NTRK2: variants seen among roughly 807,000 people sequenced by gnomAD.
NTRK2 encodes the protein BDNF/NT-3 growth factors receptor.
Under a neutral mutation model 94.5 loss-of-function variants are expected in NTRK2, and 13 were observed. The observed-to-expected ratio is 0.14, with a 90% CI of 0.09 to 0.22. The LOEUF is 0.22. Ranked by LOEUF, NTRK2 falls within the 10% of genes least tolerant of loss-of-function variation. The probability of loss-of-function intolerance (pLI) is 1.00; values close to 1 mark genes in which losing one functional copy is unlikely to be tolerated. For synonymous variants in NTRK2, 372 were observed against 407.4 expected, an observed-to-expected ratio of 0.91 and a Z score of 1.05; for missense variants, 639 against 1,071.2, an observed-to-expected ratio of 0.60 and a Z score of 5.63.
chr9:84,693,144 A>G (rs1472861115), intron 2 of NTRK2, among the ~76,000 whole-genome samples: 1 of 152,130 alleles, frequency 6.6e-6, no homozygotes, highest in Non-Finnish European at 1.5e-5. Context: ...ACTAATTAAA[A>G]TTTTCTAAAA....
At chr9:84,752,706 A>G (rs1000190067) in intron 12 of NTRK2, among the ~76,000 whole-genome samples, 1 of 152,236 alleles carries the variant, frequency 6.6e-6, no homozygotes, top group Admixed American at 6.5e-5. Flanking sequence ...AGGATGGAAA[A>G]TTAATTTTAC....
intron 15 of NTRK2, among the ~76,000 whole-genome samples, chr9:84,943,466 C>A (rs116909345): frequency 6.6e-6 from 1 of 152,194 alleles, no homozygotes; most frequent in East Asian, 1.9e-4. Context: ...CAGGCAGTAT[C>A]TCGCTACAGT....
chr9:84,890,853 A>AT (rs1297313552), intron 14 of NTRK2, among the ~76,000 whole-genome samples: 1 of 152,252 alleles, frequency 6.6e-6, no homozygotes, highest in Non-Finnish European at 1.5e-5. Context: ...CTTCTCAGTC[A>AT]TCTTCATTGA....
intron 14 of NTRK2, among the ~76,000 whole-genome samples, chr9:84,903,150 A>T (rs1037425663): frequency 6.6e-6 from 1 of 152,246 alleles, no homozygotes; most frequent in African/African-American, 2.4e-5. Flanking sequence ...TTTCTTGTTT[A>T]AAGTGGCTAT....
intron 12 of NTRK2, among the ~76,000 whole-genome samples, chr9:84,784,602 C>T (rs2067941679): frequency 6.6e-6 from 1 of 152,200 alleles, no homozygotes; most frequent in Admixed American, 6.5e-5. Flanking sequence ...TCCATTCAGA[C>T]ATCGATTTTC....
chr9:84,865,292 C>T (rs754576561), intron 13 of NTRK2, among the ~76,000 whole-genome samples: 4 of 152,048 alleles, frequency 2.6e-5, no homozygotes, highest in Non-Finnish European at 4.4e-5. Flanking sequence ...AGAATTGAGC[C>T]GGAGCGCATC....
At chr9:84,811,040 T>A in intron 12 of NTRK2, 1 of 1,081,160 alleles carries the variant, frequency 9.2e-7, no homozygotes, top group Non-Finnish European at 1.1e-6. Flanking sequence ...CTAATCTACA[T>A]GTAACACATA....
chr9:84,856,778 C>A (rs907957492), intron 12 of NTRK2, among the ~76,000 whole-genome samples: 8 of 152,086 alleles, frequency 5.3e-5, no homozygotes, highest in African/African-American at 1.9e-4. Flanking sequence ...GTGAGTCTTA[C>A]CTTAAAACAT....
At position 84,972,620 on chromosome 9, in the gene NTRK2, T is replaced by C. The variant is rs116261042; in HGVS notation, c.2172+17103T>C. Among the ~76,000 whole-genome samples, 1,041 of 152,320 alleles carry C rather than the reference T, an allele frequency of 6.8e-3. 19 individuals are homozygous for C. The highest frequency in any genetic ancestry group is 0.024 in the African/African-American group (983 of 41,570). Reference sequence around the variant, plus strand: ...TTAACACATTAGACAGTGGAAAAACTTTGATGTGTTTTTGGGGTTTAGCTT... The same window carrying C: ...TTAACACATTAGACAGTGGAAAAACCTTGATGTGTTTTTGGGGTTTAGCTT... On this transcript the variant is annotated intron_variant, in intron 17 of 18. Coordinates refer to ENST00000277120, the MANE Select transcript of NTRK2 (RefSeq NM_006180.6).
chr9:84,973,308 C>T (rs1826407339), intron 17 of NTRK2, among the ~76,000 whole-genome samples: 1 of 152,088 alleles, frequency 6.6e-6, no homozygotes, highest in African/African-American at 2.4e-5. Context: ...CACTATTCTC[C>T]AGGCCCTCAG....
At chr9:84,810,776 A>C (rs1386085630) in intron 12 of NTRK2, 12 of 1,431,108 alleles carry the variant, frequency 8.4e-6, no homozygotes, top group Non-Finnish European at 1.0e-5. Context: ...ATTGGGGAAC[A>C]CCAATGCAGA....
chr9:84,859,689 TAA>T (rs2075239954), intron 12 of NTRK2, among the ~76,000 whole-genome samples: 2 of 152,214 alleles, frequency 1.3e-5, no homozygotes, highest in Non-Finnish European at 2.9e-5. Flanking sequence ...ATGGTTTAAT[TAA>T]AAGTGTTTAA....
intron 2 of NTRK2, among the ~76,000 whole-genome samples, chr9:84,679,406 C>T (rs948230846): frequency 6.6e-5 from 10 of 152,096 alleles, no homozygotes; most frequent in Non-Finnish European, 1.0e-4. Flanking sequence ...TTCTGGTGGA[C>T]GACCTGTGGG....
At chr9:84,997,428 T>G (rs956135618) in intron 17 of NTRK2, among the ~76,000 whole-genome samples, 5 of 152,148 alleles carry the variant, frequency 3.3e-5, no homozygotes, top group African/African-American at 1.2e-4. Flanking sequence ...GAGCTTATGT[T>G]TAGACACTCA....
At chr9:84,970,669 A>G (rs950920402) in intron 17 of NTRK2, among the ~76,000 whole-genome samples, 1 of 152,180 alleles carries the variant, frequency 6.6e-6, no homozygotes, top group African/African-American at 2.4e-5. Flanking sequence ...CCTCTCAAGG[A>G]TATTGCAAGG....
chr9:84,963,957 A>G (rs1438130751), intron 17 of NTRK2, among the ~76,000 whole-genome samples: 2 of 152,174 alleles, frequency 1.3e-5, no homozygotes, highest in African/African-American at 2.4e-5. Context: ...CTTTTCTTAT[A>G]TCTACCATGT....
intron 14 of NTRK2, among the ~76,000 whole-genome samples, chr9:84,916,504 A>G (rs942859900): frequency 6.6e-6 from 1 of 152,112 alleles, no homozygotes; most frequent in African/African-American, 2.4e-5. Flanking sequence ...GGCACTACCA[A>G]TCAATAGGTG....
chr9:84,767,889 A>G (rs914909849), intron 12 of NTRK2, among the ~76,000 whole-genome samples: 1 of 152,174 alleles, frequency 6.6e-6, no homozygotes. Context: ...AGTCTGATTT[A>G]TTTCCCATCA....
intron 17 of NTRK2, among the ~76,000 whole-genome samples, chr9:84,961,648 A>G (rs1028958748): frequency 1.3e-5 from 2 of 152,234 alleles, no homozygotes; most frequent in African/African-American, 2.4e-5. Flanking sequence ...TGAAACAACT[A>G]CTATGTGCTA....
Sources: allele counts gnomAD v4.1 joint callset (sites outside exome capture counted in the v4.1 genomes callset), GRCh38; gene constraint gnomAD v4.1.1; transcripts MANE v1.5; gene names NCBI Gene and HGNC (gene_info 2026-07-23, HGNC 2026-07-21).